The following SH3RF2 variants were observed in gnomAD, a reference collection of about 807,000 sequenced individuals.
SH3RF2 encodes the protein E3 ubiquitin-protein ligase SH3RF2.
In SH3RF2, 43 loss-of-function variants were observed where a neutral mutation model predicts 59.0. The ratio of observed to expected loss-of-function variants is 0.73; its 90% CI spans 0.57 to 0.94. The LOEUF (loss-of-function observed/expected upper bound fraction) is 0.94. Ranked by LOEUF, SH3RF2 falls within the 40% of genes least tolerant of loss-of-function variation. The pLI is 0.00. For synonymous variants in SH3RF2, 391 were observed against 391.5 expected, an observed-to-expected ratio of 1.00 and a Z score of 0.01; for missense variants, 930 against 940.1, an observed-to-expected ratio of 0.99 and a Z score of 0.14.
chr5:145,943,490 T>C (rs191009803), intron 2 of SH3RF2, among the ~76,000 whole-genome samples: 133 of 152,332 alleles, frequency 8.7e-4, no homozygotes, highest in African/African-American at 3.2e-3. Flanking sequence ...TGACAATATT[T>C]TAAGAAAGGA....
chr5:145,969,108 A>G (rs1758969443), intron 2 of SH3RF2, among the ~76,000 whole-genome samples: 1 of 152,186 alleles, frequency 6.6e-6, no homozygotes, highest in Admixed American at 6.5e-5. Context: ...CTCATGGCCA[A>G]GGGTGTGCAA....
chr5:145,964,351 A>G (rs1486600945), intron 2 of SH3RF2, among the ~76,000 whole-genome samples: 2 of 133,278 alleles, frequency 1.5e-5, no homozygotes, highest in South Asian at 4.7e-4. Context: ...CTGTTGCCCA[A>G]GCTGGAGTGC....
chr5:146,072,499 C>A (rs1455297220), intron 9 of SH3RF2, among the ~76,000 whole-genome samples: 3 of 151,952 alleles, frequency 2.0e-5, no homozygotes, highest in Non-Finnish European at 4.4e-5. Flanking sequence ...GGTGAAACCC[C>A]GTCTCTATTA....
At chr5:145,956,913 T>A (rs780020344) in intron 2 of SH3RF2, among the ~76,000 whole-genome samples, 1 of 152,224 alleles carries the variant, frequency 6.6e-6, no homozygotes, top group Non-Finnish European at 1.5e-5. Flanking sequence ...CTCCAGATCT[T>A]ACTGGAGAAG....
intron 2 of SH3RF2, among the ~76,000 whole-genome samples, chr5:145,938,915 T>C (rs1757704319): frequency 6.6e-6 from 1 of 152,228 alleles, no homozygotes; most frequent in Admixed American, 6.5e-5. Context: ...CAGCTGTGTA[T>C]AGGAGCTCTG....
In SH3RF2 at chr5:146,062,312, CCA is replaced by C. The variant is rs1395658697; in HGVS notation, c.1915-111_1915-110del. 1.7e-5 allele frequency: 22 copies of C among 1,329,304 alleles called. 1 individual carries two copies. The highest frequency in any genetic ancestry group is 2.2e-5 in the Non-Finnish European group (21 of 955,170). 82.3% of individuals were successfully genotyped at this position (1,329,304 alleles called of 1,614,324 possible). On this transcript the variant is annotated intron_variant, in intron 9 of 9. Transcript: ENST00000359120. ...TCTTAGCACTTGACACTCATGGTAG[CCA>C]CAGATATTTGCAGAATGAACACATA...
intron 2 of SH3RF2, among the ~76,000 whole-genome samples, chr5:145,963,119 G>T (rs758631465): frequency 6.6e-6 from 1 of 151,500 alleles, no homozygotes; most frequent in Non-Finnish European, 1.5e-5. Flanking sequence ...GGATGGTCTC[G>T]ATCTCCTGAC....
chr5:146,038,418 A>C (rs1280377448), intron 5 of SH3RF2, among the ~76,000 whole-genome samples: 6 of 152,224 alleles, frequency 3.9e-5, no homozygotes, highest in Non-Finnish European at 7.4e-5. Context: ...ACTATTGTCT[A>C]TATAGAGAAC....
chr5:146,026,474 G>A (rs248774), intron 5 of SH3RF2, among the ~76,000 whole-genome samples: 45 of 152,148 alleles, frequency 3.0e-4, no homozygotes, highest in African/African-American at 9.2e-4. Context: ...TATTATGTGC[G>A]TTAATTGGCT....
In SH3RF2 at chr5:146,013,752, C is replaced by G; in HGVS notation, c.750C>G (p.Asn250Lys). ...GIFPILFVEP[N>K]LTARHLLEKN... ...TGGACCTTTTGTCTTTTCAGCCAAACCTCACCGCAAGACACCTTTTAGAGA... is the reference window on the plus strand; with the variant it reads ...TGGACCTTTTGTCTTTTCAGCCAAAGCTCACCGCAAGACACCTTTTAGAGA... The change falls in exon 5 of 10, where the codon AAC (asparagine) becomes AAG (lysine). Residue 250 changes from asparagine (N) to lysine (K), a missense_variant. Asn to Lys is a moderately conservative substitution (Grantham distance 94). Transcript: ENST00000359120. The G allele has an allele frequency of 6.2e-7, 1 of 1,613,696 alleles. No individual in the cohort carries two copies. Among genetic ancestry groups the G allele is most frequent in the Non-Finnish European group, 8.5e-7 (1 of 1,179,904 alleles).
chr5:146,033,497 T>G (rs1205502415), intron 5 of SH3RF2, among the ~76,000 whole-genome samples: 5 of 128,042 alleles, frequency 3.9e-5, no homozygotes, highest in African/African-American at 5.9e-5. Context: ...TGAGATGGAG[T>G]TTCACTCTTG....
At chr5:145,962,888 C>T (rs993904146) in intron 2 of SH3RF2, among the ~76,000 whole-genome samples, 10 of 104,558 alleles carry the variant, frequency 9.6e-5, no homozygotes, top group African/African-American at 4.1e-4. Context: ...TATTATTCCA[C>T]TTTTTTTTTT....
intron 5 of SH3RF2, among the ~76,000 whole-genome samples, chr5:146,040,450 G>A (rs1040628980): frequency 9.2e-5 from 14 of 152,120 alleles, no homozygotes; most frequent in Non-Finnish European, 2.1e-4. Context: ...GGTGTGGCCT[G>A]CTCAAAGAGC....
intron 2 of SH3RF2, among the ~76,000 whole-genome samples, chr5:145,955,758 T>C (rs1022466436): frequency 6.6e-6 from 1 of 152,212 alleles, no homozygotes; most frequent in Non-Finnish European, 1.5e-5. Context: ...CATAAGCATA[T>C]ATGGTCAGCC....
chr5:145,988,847 C>G (rs1160499907), intron 2 of SH3RF2, among the ~76,000 whole-genome samples: 3 of 152,128 alleles, frequency 2.0e-5, no homozygotes, highest in African/African-American at 7.2e-5. Flanking sequence ...CATAGTGTCT[C>G]CCTCCTTATC....
At chr5:145,961,213 C>G (rs1192478390) in intron 2 of SH3RF2, among the ~76,000 whole-genome samples, 3 of 132,762 alleles carry the variant, frequency 2.3e-5, no homozygotes, top group Non-Finnish European at 4.6e-5. Context: ...CATGTCAACT[C>G]CAAAGAGTTT....
intron 3 of SH3RF2, among the ~76,000 whole-genome samples, chr5:146,002,513 G>GAAGGAAGGAAGGAAGGAAGGAAGA (rs1561734901): frequency 8.0e-5 from 12 of 150,746 alleles, no homozygotes; most frequent in African/African-American, 2.7e-4. Context: ...AGGAAGGAAG[G>GAAGGAAGGAAGGAAGGAAGGAAGA]AAGGAAGGAA....
At position 145,938,059 on chromosome 5, in the gene SH3RF2, A is replaced by G. The variant is rs891160938; in HGVS notation, c.131A>G (p.His44Arg). Residue 44 changes from histidine to arginine, a missense_variant, in exon 2 of 10, where the codon CAC becomes CGC. Coordinates refer to ENST00000359120, the MANE Select transcript of SH3RF2 (RefSeq NM_152550.4). ...KPCLQRVFKA[H>R]KELRCPECRT... ...TGTCTACAGAGGGTTTTCAAGGCCC[A>G]CAAAGAGCTGCGGTGCCCCGAATGC... 6 of 1,614,234 alleles carry G rather than the reference A, an allele frequency of 3.7e-6. No individual in the cohort carries two copies. The highest frequency in any genetic ancestry group is 5.1e-6 in the Non-Finnish European group (6 of 1,180,032).
At position 146,027,658 on chromosome 5, in the gene SH3RF2, C is replaced by T. The variant is rs138069905; in HGVS notation, c.1059+13597C>T. Among the ~76,000 whole-genome samples, 130 of 152,310 alleles carry T rather than the reference C, an allele frequency of 8.5e-4. 1 individual carries two copies. The highest frequency in any genetic ancestry group is 3.1e-3 in the African/African-American group (128 of 41,576). Reference sequence around the variant, plus strand: ...AGGGAGTATGTAATGGAGGGTCCACCTAGTCTAGAAAGTCAGAGAAGCCTG... The same window carrying T: ...AGGGAGTATGTAATGGAGGGTCCACTTAGTCTAGAAAGTCAGAGAAGCCTG... On this transcript the variant is annotated intron_variant, in intron 5 of 9. Transcript: ENST00000359120.
Sources: gnomAD v4.1 joint callset for allele counts (sites outside exome capture counted in the v4.1 genomes callset) on GRCh38, gnomAD v4.1.1 for gene constraint, MANE v1.5 for transcripts, NCBI Gene and HGNC (gene_info 2026-07-23, HGNC 2026-07-21) for gene names.